The following GALNT17 variants were observed in gnomAD, a reference collection of about 807,000 sequenced individuals.
GALNT17 encodes the protein UDP-GalNAc:polypeptide N-acetylgalactosaminyltransferase-like 3.
GALNT17 carries 29 observed loss-of-function variants against 63.7 expected under a neutral mutation model. That is an observed-to-expected ratio of 0.46 (90% CI 0.34 to 0.62). The LOEUF is 0.62. Ranked by LOEUF, GALNT17 falls within the 20% of genes least tolerant of loss-of-function variation. GALNT17 has a pLI of 0.01. For missense variants in GALNT17, 603 were observed against 799.6 expected (o/e 0.75, Z 2.97); for synonymous variants, 305 against 318.3 (o/e 0.96, Z 0.45).
At chr7:71,520,349 C>T (rs1788510602) in intron 5 of GALNT17, among the ~76,000 whole-genome samples, 1 of 152,056 alleles carries the variant, frequency 6.6e-6, no homozygotes, top group Admixed American at 6.6e-5. Context: ...GATAGTGAAA[C>T]CTTGTCTCTA....
chr7:71,420,821 G>A, intron 4 of GALNT17, 87 bp from the exon 5 acceptor site: 1 of 1,509,614 alleles, frequency 6.6e-7, no homozygotes, highest in Non-Finnish European at 9.1e-7. Flanking sequence ...GCCTTAAGTA[G>A]CTAAATGCTG....
chr7:71,216,581 TAC>T (rs906056895), intron 1 of GALNT17, among the ~76,000 whole-genome samples: 1 of 128,110 alleles, frequency 7.8e-6, no homozygotes, highest in African/African-American at 2.6e-5. Context: ...CACACACAAA[TAC>T]ACACACATAC....
chr7:71,190,775 G>A (rs1788937079), intron 1 of GALNT17, among the ~76,000 whole-genome samples: 1 of 151,918 alleles, frequency 6.6e-6, no homozygotes, highest in Admixed American at 6.6e-5. Context: ...GGGACTACAG[G>A]TGTGCACCAC....
At chr7:71,298,826 A>G (rs1310411074) in intron 1 of GALNT17, among the ~76,000 whole-genome samples, 1 of 152,056 alleles carries the variant, frequency 6.6e-6, no homozygotes, top group Non-Finnish European at 1.5e-5. Flanking sequence ...GATCTATTTC[A>G]GAGTTTGGTA....
At chr7:71,252,530 G>T (rs1790218125) in intron 1 of GALNT17, among the ~76,000 whole-genome samples, 1 of 152,030 alleles carries the variant, frequency 6.6e-6, no homozygotes. Flanking sequence ...GTCAAAAAAA[G>T]GTGGTAAAAC....
intron 5 of GALNT17, among the ~76,000 whole-genome samples, chr7:71,559,201 C>A (rs1562690695): frequency 6.6e-6 from 1 of 152,170 alleles, no homozygotes; most frequent in Non-Finnish European, 1.5e-5. Flanking sequence ...ATAGCAGAGG[C>A]AATTGGAACT....
chr7:71,274,035 G>A (rs746800324), intron 1 of GALNT17, among the ~76,000 whole-genome samples: 68 of 152,210 alleles, frequency 4.5e-4, no homozygotes, highest in South Asian at 2.1e-4. Context: ...ATTTCAAGCT[G>A]TACTATGCTG....
At chr7:71,465,708 T>C (rs1340154973) in intron 5 of GALNT17, among the ~76,000 whole-genome samples, 2 of 152,198 alleles carry the variant, frequency 1.3e-5, no homozygotes, top group Non-Finnish European at 2.9e-5. Context: ...CAGATTTATT[T>C]AACATGTATA....
chr7:71,497,756 G>A (rs919728209), intron 5 of GALNT17, among the ~76,000 whole-genome samples: 9 of 152,212 alleles, frequency 5.9e-5, no homozygotes, highest in Non-Finnish European at 8.8e-5. Context: ...GCCCACTCCT[G>A]CTGTTGTTGC....
At chr7:71,560,691 C>A (rs980471605) in intron 5 of GALNT17, among the ~76,000 whole-genome samples, 91 of 152,170 alleles carry the variant, frequency 6.0e-4, no homozygotes, top group African/African-American at 2.1e-3. Flanking sequence ...TTGAGTTCAT[C>A]TATAAATCGC....
intron 1 of GALNT17, among the ~76,000 whole-genome samples, chr7:71,246,209 C>T (rs924692586): frequency 1.1e-4 from 16 of 149,464 alleles, no homozygotes; most frequent in Non-Finnish European, 2.2e-4. Context: ...GCAACCTCCA[C>T]CTCCTGGACT....
At chr7:71,687,860 T>G (rs1405810602) in intron 9 of GALNT17, among the ~76,000 whole-genome samples, 4 of 152,176 alleles carry the variant, frequency 2.6e-5, no homozygotes, top group African/African-American at 9.6e-5. Flanking sequence ...CATGCCTAGC[T>G]AATTTTTTTG....
chr7:71,151,503 C>A (rs1788131811), intron 1 of GALNT17, among the ~76,000 whole-genome samples: 1 of 151,964 alleles, frequency 6.6e-6, no homozygotes, highest in Admixed American at 6.6e-5. Context: ...TGCCTGTAGT[C>A]CCAGCTACTC....
Position 71,565,481 on chromosome 7 carries a change from TC to T in GALNT17, c.963-5801del, listed in dbSNP as rs145558279. On this transcript the variant is annotated intron_variant, in intron 5 of 10. Coordinates refer to ENST00000333538, the MANE Select transcript of GALNT17 (RefSeq NM_022479.3). ...CTCTCTCTAGCACTTCATCCTGCTC[TC>T]CCTTCTCCATCTTTCATCCCTCCCT... Among the ~76,000 whole-genome samples the T allele has an allele frequency of 2.0e-5, 3 of 152,050 alleles. No homozygotes were observed. The East Asian group carries it at 5.8e-4, about 30-fold the overall frequency.
chr7:71,490,256 CAA>C (rs35867509), intron 5 of GALNT17, among the ~76,000 whole-genome samples: 13 of 136,562 alleles, frequency 9.5e-5, no homozygotes, highest in South Asian at 2.4e-4. Context: ...GACTCTGTCT[CAA>C]AAAAAAAAAA....
intron 1 of GALNT17, among the ~76,000 whole-genome samples, chr7:71,283,468 T>A (rs1790813911): frequency 6.6e-6 from 1 of 152,062 alleles, no homozygotes; most frequent in Non-Finnish European, 1.5e-5. Flanking sequence ...AAATAATAGT[T>A]AAAAAAATAG....
chr7:71,634,653 C>T (rs142117998), intron 6 of GALNT17, among the ~76,000 whole-genome samples: 18 of 151,064 alleles, frequency 1.2e-4, no homozygotes, highest in African/African-American at 4.4e-4. Context: ...GCACAGGAGG[C>T]TGAGCCAGGA....
chr7:71,427,713 C>T (rs1786785072), intron 5 of GALNT17, among the ~76,000 whole-genome samples: 1 of 151,998 alleles, frequency 6.6e-6, no homozygotes, highest in South Asian at 2.1e-4. Context: ...GGAACTGAGC[C>T]TCACAGCAGG....
intron 5 of GALNT17, among the ~76,000 whole-genome samples, chr7:71,441,634 T>A (rs994442909): frequency 1.3e-5 from 2 of 152,134 alleles, no homozygotes; most frequent in Non-Finnish European, 2.9e-5. Flanking sequence ...TCTCCCTCCC[T>A]TCGCCCCTCA....
Sources: allele counts gnomAD v4.1 joint callset (sites outside exome capture counted in the v4.1 genomes callset), GRCh38; gene constraint gnomAD v4.1.1; transcripts MANE v1.5; gene names NCBI Gene and HGNC (gene_info 2026-07-23, HGNC 2026-07-21).